Variants in DOCK10 observed in about 807,000 individuals in gnomAD.
The protein encoded by DOCK10 is dedicator of cytokinesis protein 10.
In DOCK10, 145 loss-of-function variants were observed where a neutral mutation model predicts 280.1. That is an observed-to-expected ratio of 0.52 (90% CI 0.45 to 0.59). The LOEUF (loss-of-function observed/expected upper bound fraction) is 0.59, where lower values mean the gene tolerates loss of function less well. Among genes scored for constraint, DOCK10 ranks in the 20% least tolerant of loss-of-function variants. DOCK10 has a pLI of 0.00. For synonymous variants in DOCK10, 915 were observed against 942.2 expected, an observed-to-expected ratio of 0.97 and a Z score of 0.53; for missense variants, 2,368 against 2,651.7, an observed-to-expected ratio of 0.89 and a Z score of 2.35.
intron 2 of DOCK10, among the ~76,000 whole-genome samples, chr2:224,920,401 A>C (rs941518344): frequency 4.6e-5 from 7 of 152,032 alleles, no homozygotes; most frequent in Admixed American, 1.3e-4. Context: ...ATTCCTTTAG[A>C]GTTCCCTTCT....
chr2:224,839,255 A>ATTTTTTTTTTT (rs577799384), intron 24 of DOCK10, among the ~76,000 whole-genome samples: 1 of 131,744 alleles, frequency 7.6e-6, no homozygotes, highest in Non-Finnish European at 1.6e-5. Context: ...ATTTTTTGTA[A>ATTTTTTTTTTT]TTTTTTTTTT....
intron 1 of DOCK10, among the ~76,000 whole-genome samples, chr2:224,986,633 C>T (rs1260868140): frequency 6.6e-6 from 1 of 150,452 alleles, no homozygotes; most frequent in Non-Finnish European, 1.5e-5. Flanking sequence ...CTCTCTCTGT[C>T]TTCATGTGTG....
intron 2 of DOCK10, among the ~76,000 whole-genome samples, chr2:224,922,047 T>C (rs1575063431): frequency 8.0e-6 from 1 of 125,042 alleles, no homozygotes; most frequent in Non-Finnish European, 1.6e-5. Context: ...TGAACCCGGG[T>C]GGCGGAGGTT....
At chr2:224,976,845 T>G (rs1310788140) in intron 1 of DOCK10, among the ~76,000 whole-genome samples, 1 of 152,180 alleles carries the variant, frequency 6.6e-6, no homozygotes, top group East Asian at 1.9e-4. Flanking sequence ...CCTTCTTTTG[T>G]TTTTGGTTTT....
intron 1 of DOCK10, among the ~76,000 whole-genome samples, chr2:224,953,800 G>A (rs1223701712): frequency 1.3e-5 from 2 of 152,122 alleles, no homozygotes; most frequent in Admixed American, 6.5e-5. Context: ...CAATCTAATC[G>A]TATACAGTAT....
chr2:224,885,852 T>A lies in DOCK10; in HGVS notation c.613-47A>T, dbSNP rs1699245831. 3 of 1,582,446 alleles carry A rather than the reference T, an allele frequency of 1.9e-6. No homozygotes were observed. In the African/African-American group the frequency reaches 4.1e-5, roughly 22 times the overall value. ...AGGAGATATTCAAATTGTAATGTGC[T>A]ATTACTCATAGAAATTAGAATTATT... On this transcript the variant is annotated intron_variant, in intron 6 of 55. Coordinates refer to ENST00000258390, the MANE Select transcript of DOCK10 (RefSeq NM_014689.3).
At chr2:224,897,746 G>A (rs1214783246) in intron 3 of DOCK10, among the ~76,000 whole-genome samples, 2 of 152,160 alleles carry the variant, frequency 1.3e-5, no homozygotes, top group Non-Finnish European at 2.9e-5. Context: ...AAGCAAAAAT[G>A]ATTTAGAAAC....
chr2:225,032,996 A>G (rs1313147869), intron 1 of DOCK10, among the ~76,000 whole-genome samples: 1 of 152,172 alleles, frequency 6.6e-6, no homozygotes, highest in African/African-American at 2.4e-5. Context: ...CATCTTTTCA[A>G]ATAGACCCCT....
chr2:224,914,456 G>C (rs568063997), intron 3 of DOCK10, among the ~76,000 whole-genome samples: 135 of 152,276 alleles, frequency 8.9e-4, no homozygotes, highest in African/African-American at 3.1e-3. Flanking sequence ...ACTTGAAGTA[G>C]AAAGTTTATA....
intron 7 of DOCK10, among the ~76,000 whole-genome samples, chr2:224,880,607 G>T (rs1200314682): frequency 2.6e-5 from 4 of 152,050 alleles, no homozygotes; most frequent in Admixed American, 2.6e-4. Flanking sequence ...CCTTACCATA[G>T]TATATTTACA....
In DOCK10 at chr2:224,787,387, A is replaced by T. The variant is rs766479348; in HGVS notation, c.5429T>A (p.Val1810Glu). 1.2e-6 allele frequency: 2 copies of T among 1,613,944 alleles called. No homozygotes were observed. Among genetic ancestry groups the T allele is most frequent in the Admixed American group, 1.7e-5 (1 of 60,004 alleles). ...QDTPYNENIL[V>E]EQLYMCVEFL... is the part of the protein sequence containing the mutation. ...CTCCACACACATGTATAGCTGCTCCACCAGGATATTCTGCAATTCCCCCAA... is the reference window on the plus strand; with the variant it reads ...CTCCACACACATGTATAGCTGCTCCTCCAGGATATTCTGCAATTCCCCCAA... The change falls in exon 49 of 56, where the codon GTG becomes GAG. Residue 1810 changes from valine (V) to glutamate (E), a missense_variant. By Grantham distance (121) the Val-to-Glu change is moderately radical. Coordinates refer to ENST00000258390, the MANE Select transcript of DOCK10 (RefSeq NM_014689.3).
rs568905061 is a variant in DOCK10, at chr2:224,992,420, T to C, written c.123+49832A>G. Among the ~76,000 whole-genome samples, 46 of 152,362 alleles carry C rather than the reference T, an allele frequency of 3.0e-4. No homozygotes were observed. The South Asian group carries it at 5.8e-3, about 19-fold the overall frequency. Reference sequence around the variant, plus strand: ...ATAGCCTGAGCTCAATTTTACATTATTTGCCAGGACTCAGGGGAGTCGCCC... The same window carrying C: ...ATAGCCTGAGCTCAATTTTACATTACTTGCCAGGACTCAGGGGAGTCGCCC... On this transcript the variant is annotated intron_variant, in intron 1 of 55. Transcript: ENST00000258390.
intron 2 of DOCK10, among the ~76,000 whole-genome samples, chr2:224,918,306 G>C (rs1701449401): frequency 6.6e-6 from 1 of 151,406 alleles, no homozygotes; most frequent in Non-Finnish European, 1.5e-5. Flanking sequence ...GGATGAGAGT[G>C]TGTGGGAGCA....
intron 50 of DOCK10, among the ~76,000 whole-genome samples, chr2:224,781,780 GA>G (rs1370311924): frequency 6.6e-6 from 1 of 152,206 alleles, no homozygotes; most frequent in Non-Finnish European, 1.5e-5. Flanking sequence ...CATGGATTAT[GA>G]AACTTTAAGG....
At chr2:224,796,872 G>T in intron 43 of DOCK10, 92 bp downstream of exon 43, 1 of 1,194,190 alleles carries the variant, frequency 8.4e-7, no homozygotes, top group Non-Finnish European at 1.2e-6. Context: ...AGGAGTTAGT[G>T]ACGGCTTGCC....
intron 1 of DOCK10, among the ~76,000 whole-genome samples, chr2:224,978,799 C>T (rs756349209): frequency 6.6e-6 from 1 of 152,182 alleles, no homozygotes; most frequent in African/African-American, 2.4e-5. Context: ...ACATCTCCAT[C>T]TATAGACCTA....
intron 3 of DOCK10, 145 bp from the exon 4 acceptor site, chr2:224,896,522 A>T: frequency 2.0e-6 from 1 of 504,072 alleles, no homozygotes; most frequent in Non-Finnish European, 3.4e-6. Context: ...CAACCTGACC[A>T]ATATGGCAAA....
At chr2:224,777,322 T>TA (rs1690948365) in intron 51 of DOCK10, among the ~76,000 whole-genome samples, 1 of 152,150 alleles carries the variant, frequency 6.6e-6, no homozygotes, top group Non-Finnish European at 1.5e-5. Context: ...AGGGTGTCGC[T>TA]AAAGGAGATT....
At position 224,874,171 on chromosome 2, in the gene DOCK10, G is replaced by C. The variant is rs377663542; in HGVS notation, c.1102-20C>G. The C allele has an allele frequency of 4.4e-6, 7 of 1,579,610 alleles. No individual in the cohort carries two copies. In the African/African-American group the frequency reaches 9.5e-5, roughly 21 times the overall value. ...CAAGGTCTAAAAAAGTTTTGAATGAGTCACCAAACATCCAACATAAAAAAG... is the reference window on the plus strand; with the variant it reads ...CAAGGTCTAAAAAAGTTTTGAATGACTCACCAAACATCCAACATAAAAAAG... On this transcript the variant is annotated intron_variant, in intron 10 of 55. Coordinates refer to ENST00000258390, the MANE Select transcript of DOCK10 (RefSeq NM_014689.3).
Sources: gnomAD v4.1 joint callset for allele counts (sites outside exome capture counted in the v4.1 genomes callset) on GRCh38, gnomAD v4.1.1 for gene constraint, MANE v1.5 for transcripts, NCBI Gene and HGNC (gene_info 2026-07-23, HGNC 2026-07-21) for gene names.